Variants in NHLRC3 observed in about 807,000 individuals in gnomAD.
NHLRC3 encodes NHL repeat-containing protein 3.
A neutral mutation model predicts 32.0 loss-of-function variants in NHLRC3; 23 were observed. That is an observed-to-expected ratio of 0.72 (90% CI 0.52 to 1.02). The LOEUF (loss-of-function observed/expected upper bound fraction) is 1.02, where lower values mean the gene tolerates loss of function less well. NHLRC3 is among the 50% of genes least tolerant of loss of function. NHLRC3 has a pLI of 0.00. For synonymous variants in NHLRC3, 159 were observed against 147.9 expected (o/e 1.08, Z -0.55); for missense variants, 407 against 406.8 (o/e 1.00, Z -0.01).
chr13:39,048,864 G>C lies in NHLRC3; in HGVS notation c.*938G>C, dbSNP rs1054044514. 3 of 150,350 alleles carry C rather than the reference G, an allele frequency of 2.0e-5. No individual in the cohort carries two copies. Among genetic ancestry groups the C allele is most frequent in the Admixed American group, 2.0e-4 (3 of 15,082 alleles). The allele number at this position is 150,350 out of a possible 1,614,324, so 9.3% of individuals were successfully genotyped here. On this transcript the variant is annotated 3_prime_UTR_variant, in exon 7 of 7. Transcript: ENST00000379600. The stretch of plus-strand genomic sequence containing the variant: ...CTTTTTTTTTCTTTTTCTTTCTTTT[G>C]TTTTACATGAACTCAACTTATTCCT...
rs1434665255 is a variant in NHLRC3 at position 39,049,722 on chromosome 13, T to G, written c.*1796T>G. The G allele has an allele frequency of 1.3e-5, 2 of 152,242 alleles. No homozygotes were observed. The allele number at this position is 152,242 out of a possible 1,614,324, so 9.4% of individuals were successfully genotyped here. A position where few individuals can be genotyped will look rare whatever the true frequency, so the allele number is the denominator to read the frequency against. Reference sequence around the variant, plus strand: ...AGCCAGGACAAGAAGTGCAAATGCCTCTTTGAAGCAATTTAGGCTAAACTG... The same window carrying G: ...AGCCAGGACAAGAAGTGCAAATGCCGCTTTGAAGCAATTTAGGCTAAACTG... On this transcript the variant is annotated 3_prime_UTR_variant, in exon 7 of 7. Coordinates refer to ENST00000379600, the MANE Select transcript of NHLRC3 (RefSeq NM_001012754.4).
intron 3 of NHLRC3, 197 bp from the exon 4 acceptor site, chr13:39,041,908 G>A: frequency 3.8e-6 from 2 of 526,016 alleles, no homozygotes; most frequent in Non-Finnish European, 6.7e-6. Flanking sequence ...TGGACTAATG[G>A]AGATTTTAAT....
chr13:39,038,538 C>T lies in NHLRC3; in HGVS notation c.-102C>T, dbSNP rs114244590. 2.5e-5 allele frequency: 24 copies of T among 971,418 alleles called. No homozygotes were observed. In the African/African-American group the frequency reaches 3.4e-4, roughly 14 times the overall value. The allele number at this position is 971,418 out of a possible 1,614,324, so 60.2% of individuals were successfully genotyped here. On this transcript the variant is annotated 5_prime_UTR_variant, in exon 1 of 7. Coordinates refer to ENST00000379600, the MANE Select transcript of NHLRC3 (RefSeq NM_001012754.4). ...AACCGGAGATAGGGTCTTCGGGCCC[C>T]GGGCAGACCCTCTGTGCCGCTGCAA...
Position 39,047,837 on chromosome 13 carries a change from A to G in NHLRC3, c.955A>G (p.Thr319Ala). 1 of 1,614,098 alleles carries G rather than the reference A, an allele frequency of 6.2e-7. No homozygotes were observed. The highest frequency in any genetic ancestry group is 8.5e-7 in the Non-Finnish European group (1 of 1,179,980). The change falls in exon 7 of 7, where the codon ACT becomes GCT. Residue 319 changes from threonine (T) to alanine (A), a missense_variant. Transcript: ENST00000379600. ...LPHLLEVDRK[T>A]GAVYVAEIGA... ...ACATCTCCTAGAAGTCGACAGAAAG[A>G]CTGGAGCAGTCTATGTAGCAGAAAT...
At position 39,042,184 on chromosome 13, in the gene NHLRC3, CA is replaced by C; in HGVS notation, c.466del (p.Thr156LeufsTer3). On this transcript the variant is annotated frameshift_variant, in exon 4 of 7. Coordinates refer to ENST00000379600, the MANE Select transcript of NHLRC3 (RefSeq NM_001012754.4). LOFTEE classifies it high-confidence loss of function. ...QVLGTPGKKG[T>X]SLNPLQFDNP... ...TCTTGGGTACTCCAGGCAAAAAAGGCACTAGTTTGAATCCTTTGCAGTTTGA... is the reference window on the plus strand; with the variant it reads ...TCTTGGGTACTCCAGGCAAAAAAGGCCTAGTTTGAATCCTTTGCAGTTTGA... 6.2e-7 allele frequency: 1 copy of C among 1,611,366 alleles called. No individual in the cohort carries two copies. The highest frequency in any genetic ancestry group is 8.5e-7 in the Non-Finnish European group (1 of 1,177,684).
Position 39,044,383 on chromosome 13 carries a change from C to A in NHLRC3, c.678+202C>A, listed in dbSNP as rs532295624. 1,184 of 523,372 alleles carry A rather than the reference C, an allele frequency of 2.3e-3. 3 individuals carry two copies. Among genetic ancestry groups the A allele is most frequent in the Non-Finnish European group, 2.7e-3 (792 of 296,460 alleles). The allele number at this position is 523,372 out of a possible 1,614,324, so 32.4% of individuals were successfully genotyped here. A position where few individuals can be genotyped will look rare whatever the true frequency, so the allele number is the denominator to read the frequency against. On this transcript the variant is annotated intron_variant, in intron 5 of 6. Coordinates refer to ENST00000379600, the MANE Select transcript of NHLRC3 (RefSeq NM_001012754.4). ...GGGGCTGGGTGTGCACACATACTTT[C>A]TTACAAGTGTTTGAGTCCTATAGTG...
In NHLRC3 at chr13:39,039,558, C is replaced by T. The variant is rs1871368602; in HGVS notation, c.238-6C>T. On this transcript the variant is annotated splice_polypyrimidine_tract_variant and splice_region_variant and intron_variant, in intron 2 of 6. Coordinates refer to ENST00000379600, the MANE Select transcript of NHLRC3 (RefSeq NM_001012754.4). ...TCCTAAGAAGTTATTTTTTGTATACCTTCAGAGAGGGGATAACATCCCAAA... is the reference window on the plus strand; with the variant it reads ...TCCTAAGAAGTTATTTTTTGTATACTTTCAGAGAGGGGATAACATCCCAAA... 1.2e-6 allele frequency: 2 copies of T among 1,606,906 alleles called. No homozygotes were observed. The highest frequency in any genetic ancestry group is 8.5e-7 in the Non-Finnish European group (1 of 1,174,420).
intron 2 of NHLRC3, 86 bp from the exon 3 acceptor site, chr13:39,039,478 T>C: frequency 7.8e-7 from 1 of 1,288,270 alleles, no homozygotes; most frequent in Non-Finnish European, 1.1e-6. Flanking sequence ...TGTAGTAAAA[T>C]TCTCAGTTAT....
At chr13:39,038,821 C>T (rs1222213500) in intron 1 of NHLRC3, 98 bp downstream of exon 1, 2 of 1,000,308 alleles carry the variant, frequency 2.0e-6, no homozygotes, top group East Asian at 2.4e-5. Flanking sequence ...GCCCTGGTTC[C>T]CTCAGTAGCT....
rs370553701 is a variant in NHLRC3, at chr13:39,044,229, T to TTGTGTG, written c.678+82_678+87dup. ...TCTGGGACTTTGTGTCTGAATATGT[T>TTGTGTG]TGTGTGTGTGTGTGTGTGTGTGTGT... On this transcript the variant is annotated intron_variant, in intron 5 of 6. Transcript: ENST00000379600. 1.4e-3 allele frequency: 1,185 copies of TTGTGTG among 858,802 alleles called. 3 individuals carry two copies. Among genetic ancestry groups the TTGTGTG allele is most frequent in the African/African-American group, 0.011 (560 of 50,432 alleles). 53.2% of individuals were successfully genotyped at this position (858,802 alleles called of 1,614,324 possible).
At chr13:39,042,030 C>A in intron 3 of NHLRC3, 75 bp from the exon 4 acceptor site, 2 of 827,508 alleles carry the variant, frequency 2.4e-6, no homozygotes, top group Non-Finnish European at 4.0e-6. Context: ...CAAATTTTTG[C>A]TCTTAGCTTA....
At chr13:39,038,428 A>T, upstream of NHLRC3, 1 of 579,510 alleles carries the variant, frequency 1.7e-6, no homozygotes, top group Non-Finnish European at 3.1e-6. Flanking sequence ...ATGCACACGA[A>T]GTCCGGAACT....
At chr13:39,038,804 G>A in intron 1 of NHLRC3, 81 bp downstream of exon 1, 2 of 1,174,044 alleles carry the variant, frequency 1.7e-6, no homozygotes, top group Non-Finnish European at 2.6e-6. Flanking sequence ...TGGCATGGAG[G>A]TGGCAGGCCC....
At chr13:39,041,170 T>A (rs1352553307) in intron 3 of NHLRC3, 1 of 152,094 alleles carries the variant, frequency 6.6e-6, no homozygotes, top group Non-Finnish European at 1.5e-5. Flanking sequence ...ATAAATTTCC[T>A]CTAATGAAAA....
intron 5 of NHLRC3, among the ~76,000 whole-genome samples, chr13:39,046,538 A>G (rs1871685685): frequency 6.6e-6 from 1 of 152,216 alleles, no homozygotes; most frequent in African/African-American, 2.4e-5. Context: ...ATACCTTGGT[A>G]ATAGCAGGTA....
At chr13:39,046,963 C>T in intron 5 of NHLRC3, 77 bp from the exon 6 acceptor site, 1 of 939,528 alleles carries the variant, frequency 1.1e-6, no homozygotes, top group South Asian at 1.4e-5. Flanking sequence ...TATGGTGAAA[C>T]TAATGAAAAT....
intron 2 of NHLRC3, 68 bp from the exon 3 acceptor site, chr13:39,039,495 TC>T: frequency 7.3e-7 from 1 of 1,376,134 alleles, no homozygotes; most frequent in Non-Finnish European, 1.0e-6. Context: ...TTATTTTTTT[TC>T]TTCGCCAAGA....
Position 39,048,404 on chromosome 13 carries a change from A to G in NHLRC3, c.*478A>G, listed in dbSNP as rs931554886. The G allele has an allele frequency of 6.5e-6, 1 of 152,898 alleles. No homozygotes were observed. Among genetic ancestry groups the G allele is most frequent in the Non-Finnish European group, 1.5e-5 (1 of 68,504 alleles). 9.5% of individuals were successfully genotyped at this position (152,898 alleles called of 1,614,324 possible). A position where few individuals can be genotyped will look rare whatever the true frequency, so the allele number is the denominator to read the frequency against. On this transcript the variant is annotated 3_prime_UTR_variant, in exon 7 of 7. Transcript: ENST00000379600. ...GTGTCTTGACGACTTAAAAATGAAA[A>G]AGCAGGATTGCCTTTTGAGTAGCTT...
chr13:39,044,061 CTCTG>C (rs1324786348), intron 4 of NHLRC3, 25 bp from the exon 5 acceptor site: 1 of 1,463,946 alleles, frequency 6.8e-7, no homozygotes, highest in Non-Finnish European at 9.6e-7. Flanking sequence ...CTATATGTTG[CTCTG>C]ACTATATATT....
Sources: gnomAD v4.1 joint callset for allele counts (sites outside exome capture counted in the v4.1 genomes callset) on GRCh38, gnomAD v4.1.1 for gene constraint, MANE v1.5 for transcripts, NCBI Gene and HGNC (gene_info 2026-07-23, HGNC 2026-07-21) for gene names.